Variants in ERBB4 observed in about 807,000 individuals in gnomAD.
ERBB4 encodes receptor tyrosine-protein kinase erbB-4.
ERBB4 carries 42 observed loss-of-function variants against 158.0 expected under a neutral mutation model. That is an observed-to-expected ratio of 0.27 (90% CI 0.21 to 0.34). ERBB4 has a LOEUF of 0.34. Ranked by LOEUF, ERBB4 falls within the 10% of genes least tolerant of loss-of-function variation. The probability of loss-of-function intolerance (pLI) is 1.00; values close to 1 mark genes in which losing one functional copy is unlikely to be tolerated. For missense variants in ERBB4, 1,333 were observed against 1,624.1 expected, an observed-to-expected ratio of 0.82 and a Z score of 3.08; for synonymous variants, 583 against 558.7, an observed-to-expected ratio of 1.04 and a Z score of -0.61.
intron 9 of ERBB4, among the ~76,000 whole-genome samples, chr2:211,711,690 C>A (rs113802690): frequency 0.016 from 2,456 of 152,192 alleles, 61 homozygotes; most frequent in African/African-American, 0.055. Flanking sequence ...CAAGCTAATC[C>A]ATTAGAAGTT....
chr2:212,007,721 A>G (rs2076290687), intron 2 of ERBB4, among the ~76,000 whole-genome samples: 1 of 151,966 alleles, frequency 6.6e-6, no homozygotes, highest in Non-Finnish European at 1.5e-5. Flanking sequence ...AATAGATTTT[A>G]TACTCACATC....
chr2:211,550,537 T>C (rs1028239176), intron 20 of ERBB4, among the ~76,000 whole-genome samples: 18 of 147,930 alleles, frequency 1.2e-4, no homozygotes, highest in African/African-American at 4.5e-4. Context: ...ATTTTGGGAC[T>C]CATCAGCCTC....
At chr2:211,542,509 T>C (rs2066837113) in intron 20 of ERBB4, among the ~76,000 whole-genome samples, 1 of 152,022 alleles carries the variant, frequency 6.6e-6, no homozygotes, top group African/African-American at 2.4e-5. Context: ...TCTGTCATAC[T>C]TTGTGCTAAT....
intron 20 of ERBB4, among the ~76,000 whole-genome samples, chr2:211,558,068 G>T (rs891458468): frequency 7.2e-5 from 11 of 152,132 alleles, no homozygotes; most frequent in African/African-American, 2.7e-4. Flanking sequence ...TAAATGATGA[G>T]AATGCATGGA....
intron 1 of ERBB4, among the ~76,000 whole-genome samples, chr2:212,473,007 G>T (rs1480043595): frequency 1.3e-5 from 2 of 149,858 alleles, no homozygotes; most frequent in African/African-American, 4.9e-5. Context: ...TGCTAATTTA[G>T]TATGAAAAAA....
intron 2 of ERBB4, among the ~76,000 whole-genome samples, chr2:212,039,895 AC>A (rs1439037611): frequency 2.0e-5 from 3 of 152,160 alleles, no homozygotes; most frequent in African/African-American, 4.8e-5. Flanking sequence ...TGTCATTCCA[AC>A]CATAGTCTCT....
chr2:212,333,816 G>A (rs1398869191), intron 1 of ERBB4, among the ~76,000 whole-genome samples: 2 of 151,840 alleles, frequency 1.3e-5, no homozygotes, highest in East Asian at 3.9e-4. Flanking sequence ...CAGAATTTTG[G>A]AACTACTGAT....
chr2:211,499,329 C>T (rs181183768), intron 20 of ERBB4, among the ~76,000 whole-genome samples: 1 of 152,038 alleles, frequency 6.6e-6, no homozygotes, highest in Non-Finnish European at 1.5e-5. Flanking sequence ...TCGAGACCAT[C>T]CTGGACAACA....
intron 2 of ERBB4, among the ~76,000 whole-genome samples, chr2:212,043,639 C>T (rs984097946): frequency 2.6e-5 from 4 of 152,084 alleles, no homozygotes; most frequent in African/African-American, 9.7e-5. Context: ...AAGATGCCTA[C>T]TATTTTCAGC....
Position 212,427,152 on chromosome 2 carries a change from G to A in ERBB4, c.82+111297C>T, listed in dbSNP as rs546273589. On this transcript the variant is annotated intron_variant, in intron 1 of 27. Coordinates refer to ENST00000342788, the MANE Select transcript of ERBB4 (RefSeq NM_005235.3). Reference sequence around the variant, plus strand: ...TATGGAAATGAGTGTAATTAGCAGCGTAAATGATCTGTTATTTATGATACA... The same window carrying A: ...TATGGAAATGAGTGTAATTAGCAGCATAAATGATCTGTTATTTATGATACA... Among the ~76,000 whole-genome samples, 5 of 152,186 alleles carry A rather than the reference G, an allele frequency of 3.3e-5. No individual in the cohort carries two copies. The South Asian group carries it at 6.2e-4, about 19-fold the overall frequency.
intron 2 of ERBB4, among the ~76,000 whole-genome samples, chr2:212,043,601 C>A (rs1025175118): frequency 6.6e-6 from 1 of 152,028 alleles, no homozygotes; most frequent in Non-Finnish European, 1.5e-5. Flanking sequence ...AAATAAGGAT[C>A]TTATATTGAT....
At chr2:212,491,555 GTCTA>G (rs1690278056) in intron 1 of ERBB4, among the ~76,000 whole-genome samples, 1 of 151,546 alleles carries the variant, frequency 6.6e-6, no homozygotes, top group Non-Finnish European at 1.5e-5. Context: ...CTTGAAATAG[GTCTA>G]TCTTGGTAGA....
At chr2:211,521,826 C>G (rs911070796) in intron 20 of ERBB4, among the ~76,000 whole-genome samples, 1 of 152,058 alleles carries the variant, frequency 6.6e-6, no homozygotes, top group South Asian at 2.1e-4. Flanking sequence ...GCTCTATAAA[C>G]GAAACAACAA....
chr2:212,514,127 CTT>C (rs1354230778), intron 1 of ERBB4, among the ~76,000 whole-genome samples: 2 of 151,850 alleles, frequency 1.3e-5, no homozygotes, highest in Non-Finnish European at 2.9e-5. Context: ...TATTTAAAAT[CTT>C]GTTTGCTCAC....
chr2:211,506,532 G>A (rs1851186), intron 20 of ERBB4, among the ~76,000 whole-genome samples: 66,469 of 151,804 alleles, frequency 0.44, 15,882 homozygotes, highest in African/African-American at 0.64. Context: ...AAGTCTTAAT[G>A]AATTCGAAAA....
At chr2:211,476,107 T>C (rs1318390080) in intron 20 of ERBB4, among the ~76,000 whole-genome samples, 1 of 152,056 alleles carries the variant, frequency 6.6e-6, no homozygotes, top group South Asian at 2.1e-4. Flanking sequence ...GGCACTTCAG[T>C]TGTACCTTGA....
At chr2:211,471,679 G>A (rs988730458) in intron 20 of ERBB4, among the ~76,000 whole-genome samples, 6 of 152,108 alleles carry the variant, frequency 3.9e-5, no homozygotes, top group Non-Finnish European at 5.9e-5. Flanking sequence ...AATGTTTTAC[G>A]AAAAGCTTCC....
chr2:212,492,691 GA>G (rs922210458), intron 1 of ERBB4, among the ~76,000 whole-genome samples: 2 of 151,264 alleles, frequency 1.3e-5, no homozygotes, highest in African/African-American at 4.8e-5. Context: ...CAGGTATGGA[GA>G]AAAAAACCCT....
At chr2:211,901,138 T>C (rs2079224104) in intron 3 of ERBB4, among the ~76,000 whole-genome samples, 1 of 152,166 alleles carries the variant, frequency 6.6e-6, no homozygotes, top group South Asian at 2.1e-4. Context: ...CATAGGCTTC[T>C]CTCAAAGAGT....
Sources: allele counts gnomAD v4.1 joint callset (sites outside exome capture counted in the v4.1 genomes callset), GRCh38; gene constraint gnomAD v4.1.1; transcripts MANE v1.5; gene names NCBI Gene and HGNC (gene_info 2026-07-23, HGNC 2026-07-21).